SERPINA4: variants seen among roughly 807,000 people sequenced by gnomAD.
SERPINA4 encodes the protein serpin family A member 4, also known as kallistatin.
A neutral mutation model predicts 25.4 loss-of-function variants in SERPINA4; 24 were observed. The observed-to-expected ratio is 0.95, with a 90% CI of 0.69 to 1.33. The LOEUF is 1.33. SERPINA4 is among the 40% of genes most tolerant of loss of function. SERPINA4 has a pLI of 0.00. For synonymous variants in SERPINA4, 242 were observed against 223.6 expected (o/e 1.08, Z -0.73); for missense variants, 553 against 535.8 (o/e 1.03, Z -0.32).
At chr14:94,568,011 T>C (rs1595067024) in intron 3 of SERPINA4, 118 bp from the exon 4 acceptor site, 2 of 1,002,172 alleles carry the variant, frequency 2.0e-6, no homozygotes. Context: ...AAGCTGTTTG[T>C]GGGGACAGAA....
At chr14:94,568,502 G>C (rs879339956) in intron 4 of SERPINA4, among the ~76,000 whole-genome samples, 1 of 152,170 alleles carries the variant, frequency 6.6e-6, no homozygotes, top group Non-Finnish European at 1.5e-5. Context: ...CCCTCAGAGA[G>C]CTCTCCCAGT....
At chr14:94,565,581 C>T (rs1184300096) in intron 2 of SERPINA4, among the ~76,000 whole-genome samples, 1 of 152,012 alleles carries the variant, frequency 6.6e-6, no homozygotes, top group Non-Finnish European at 1.5e-5. Flanking sequence ...GGCATAGTGG[C>T]TCACACCTGT....
intron 2 of SERPINA4, among the ~76,000 whole-genome samples, chr14:94,566,509 C>T (rs1482629490): frequency 1.3e-5 from 2 of 152,150 alleles, no homozygotes; most frequent in Non-Finnish European, 2.9e-5. Context: ...AATCTACTCA[C>T]CTCCAAATCT....
Sources: gnomAD v4.1 joint callset for allele counts (sites outside exome capture counted in the v4.1 genomes callset) on GRCh38, gnomAD v4.1.1 for gene constraint, MANE v1.5 for transcripts, NCBI Gene and HGNC (gene_info 2026-07-23, HGNC 2026-07-21) for gene names.